Variants in BSDC1 observed in about 807,000 individuals in gnomAD.
The protein encoded by BSDC1 is BSD domain containing 1, also known as BSD domain-containing protein 1.
BSDC1 carries 29 observed loss-of-function variants against 56.0 expected under a neutral mutation model. That is an observed-to-expected ratio of 0.52 (90% CI 0.39 to 0.71). The LOEUF is 0.71. BSDC1 is among the 30% of genes least tolerant of loss of function. BSDC1 has a pLI of 0.00. For missense variants in BSDC1, 477 were observed against 548.5 expected (o/e 0.87, Z 1.30); for synonymous variants, 210 against 215.3 (o/e 0.98, Z 0.21).
chr1:32,375,925 A>G (rs754402252), intron 9 of BSDC1, among the ~76,000 whole-genome samples: 9 of 152,172 alleles, frequency 5.9e-5, no homozygotes, highest in Non-Finnish European at 1.2e-4. Context: ...CAAGTTACCT[A>G]ATATTTTTGG....
At chr1:32,370,095 A>T (rs1268412857) in intron 9 of BSDC1, among the ~76,000 whole-genome samples, 1 of 152,246 alleles carries the variant, frequency 6.6e-6, no homozygotes, top group Non-Finnish European at 1.5e-5. Flanking sequence ...CTCCTGCCTC[A>T]GCCTCCTGAG....
At chr1:32,392,388 TA>T (rs1487438566) in intron 2 of BSDC1, among the ~76,000 whole-genome samples, 1 of 151,614 alleles carries the variant, frequency 6.6e-6, no homozygotes, top group Non-Finnish European at 1.5e-5. Flanking sequence ...AGTAAGAAAG[TA>T]AAAAAAGGGA....
chr1:32,375,674 T>C (rs540437525), intron 9 of BSDC1, among the ~76,000 whole-genome samples: 1 of 152,316 alleles, frequency 6.6e-6, no homozygotes, highest in Non-Finnish European at 1.5e-5. Context: ...TTCTTTAAAC[T>C]GTAGGTATGA....
At chr1:32,391,230 C>T (rs544221225) in intron 2 of BSDC1, among the ~76,000 whole-genome samples, 1 of 152,198 alleles carries the variant, frequency 6.6e-6, no homozygotes, top group East Asian at 1.9e-4. Context: ...GGCTGAAAAC[C>T]ACCCACTGGA....
intron 9 of BSDC1, among the ~76,000 whole-genome samples, chr1:32,370,854 T>C (rs906262412): frequency 2.0e-5 from 3 of 151,464 alleles, no homozygotes; most frequent in African/African-American, 7.3e-5. Flanking sequence ...TCACATCATT[T>C]GTTTACATAC....
chr1:32,392,530 G>A (rs1642902389), intron 2 of BSDC1, among the ~76,000 whole-genome samples: 1 of 151,552 alleles, frequency 6.6e-6, no homozygotes, highest in African/African-American at 2.4e-5. Context: ...GTTATGATAA[G>A]ACCAACCTTG....
In BSDC1 at chr1:32,378,600, G is replaced by A. The variant is rs1376709858; in HGVS notation, c.528+124C>T. The A allele has an allele frequency of 2.8e-6, 2 of 719,958 alleles. No homozygotes were observed. Among genetic ancestry groups the A allele is most frequent in the Non-Finnish European group, 4.5e-6 (2 of 439,672 alleles). The allele number at this position is 719,958 out of a possible 1,614,324, so 44.6% of individuals were successfully genotyped here. Reference sequence around the variant, plus strand: ...CTTGGCTCAGGACACAGCTGGTCTGGCTCTATGGAGCCTCCCAGTGCTCTC... The same window carrying A: ...CTTGGCTCAGGACACAGCTGGTCTGACTCTATGGAGCCTCCCAGTGCTCTC... On this transcript the variant is annotated intron_variant, in intron 6 of 10. Coordinates refer to ENST00000455895, the MANE Select transcript of BSDC1 (RefSeq NM_018045.8). This position sits in a 1 kb window ranked among gnomAD's most constrained non-coding sequence, Gnocchi z 5.2.
chr1:32,384,060 G>T, intron 3 of BSDC1, 63 bp from the exon 4 acceptor site: 2 of 1,609,520 alleles, frequency 1.2e-6, no homozygotes, highest in Non-Finnish European at 1.7e-6. Flanking sequence ...TGGGGTATGG[G>T]GGTAAAACAT....
At chr1:32,389,512 G>T (rs1171283076) in intron 2 of BSDC1, among the ~76,000 whole-genome samples, 1 of 152,194 alleles carries the variant, frequency 6.6e-6, no homozygotes, top group Non-Finnish European at 1.5e-5. Flanking sequence ...CCTCAAGCAG[G>T]TCACAGTCTA....
Position 32,392,264 on chromosome 1 carries a change from G to A in BSDC1, c.72+1816C>T, listed in dbSNP as rs1037328038. Among the ~76,000 whole-genome samples the A allele has an allele frequency of 3.3e-5, 5 of 152,230 alleles. No homozygotes were observed. The South Asian group carries it at 6.2e-4, about 19-fold the overall frequency. On this transcript the variant is annotated intron_variant, in intron 2 of 10. Coordinates refer to ENST00000455895, the MANE Select transcript of BSDC1 (RefSeq NM_018045.8). ...GGAGAATCACTTGAACTCAGGAGGC[G>A]GAAGTTGCAGAGCTGAGACTGAGCC...
intron 3 of BSDC1, 155 bp downstream of exon 3, chr1:32,386,624 G>A: frequency 3.9e-6 from 2 of 508,644 alleles, no homozygotes; most frequent in Admixed American, 3.8e-5. Context: ...AGCTTGTTTG[G>A]TTGCCAGACA....
At chr1:32,369,431 C>T (rs539370157) in intron 9 of BSDC1, 1 of 495,732 alleles carries the variant, frequency 2.0e-6, no homozygotes, top group Non-Finnish European at 3.4e-6. Flanking sequence ...ATCACTTGAG[C>T]CCAGGAGTTC....
At position 32,382,241 on chromosome 1, in the gene BSDC1, A is replaced by C. The variant is rs190728123; in HGVS notation, c.358-973T>G. Reference sequence around the variant, plus strand: ...GACTCCATCTCAAAAAAAAAAAAAAAAACAGAAGTCAATGTGATAAAATGC... The same window carrying C: ...GACTCCATCTCAAAAAAAAAAAAAACAACAGAAGTCAATGTGATAAAATGC... On this transcript the variant is annotated intron_variant, in intron 4 of 10. Coordinates refer to ENST00000455895, the MANE Select transcript of BSDC1 (RefSeq NM_018045.8). 1.6e-3 allele frequency among the ~76,000 whole-genome samples: 248 copies of C among 151,812 alleles called. 1 individual carries two copies. The highest frequency in any genetic ancestry group is 0.012 in the East Asian group (64 of 5,156).
rs201456343 is a variant in BSDC1 at position 32,394,398 on chromosome 1, G to T, written c.11+6C>A. On this transcript the variant is annotated splice_donor_region_variant and intron_variant, in intron 1 of 10. Coordinates refer to ENST00000455895, the MANE Select transcript of BSDC1 (RefSeq NM_018045.8). ...CCAACGCCTAGGAGCAAAACGACAA[G>T]CTCACCCTTCCGCCATCTTGCCTGC... 8 of 1,614,124 alleles carry T rather than the reference G, an allele frequency of 5.0e-6. No homozygotes were observed. Among genetic ancestry groups the T allele is most frequent in the East Asian group, 2.2e-5 (1 of 44,870 alleles).
chr1:32,367,518 A>G, intron 10 of BSDC1: 4 of 985,424 alleles, frequency 4.1e-6, no homozygotes, highest in Non-Finnish European at 4.8e-6. Context: ...ACCTCTTTCT[A>G]ACAGGCTCAT....
chr1:32,385,444 A>T (rs1642630329), intron 3 of BSDC1, among the ~76,000 whole-genome samples: 4 of 152,128 alleles, frequency 2.6e-5, no homozygotes, highest in Admixed American at 2.6e-4. Context: ...AACAACAAAC[A>T]AGCCAGGCAC....
chr1:32,389,852 A>G (rs2148143475), intron 2 of BSDC1, among the ~76,000 whole-genome samples: 1 of 152,108 alleles, frequency 6.6e-6, no homozygotes, highest in East Asian at 1.9e-4. Flanking sequence ...ACACGCCTAT[A>G]GTCCCAGCTA....
At chr1:32,389,922 G>A (rs1344847180) in intron 2 of BSDC1, among the ~76,000 whole-genome samples, 2 of 150,152 alleles carry the variant, frequency 1.3e-5, no homozygotes, top group Non-Finnish European at 3.0e-5. Context: ...GCAGTGGGCT[G>A]TGATCATGCC....
chr1:32,383,652 T>C (rs1027812024), intron 4 of BSDC1, among the ~76,000 whole-genome samples, 178 bp downstream of exon 4: 10 of 152,166 alleles, frequency 6.6e-5, no homozygotes, highest in African/African-American at 2.4e-4. Context: ...GTGATGCAAT[T>C]GTGAGTTTAA....
Sources: gnomAD v4.1 joint callset for allele counts (sites outside exome capture counted in the v4.1 genomes callset) on GRCh38, gnomAD v4.1.1 for gene constraint, Gnocchi (gnomAD v3.1) non-coding constraint, MANE v1.5 for transcripts, NCBI Gene and HGNC (gene_info 2026-07-23, HGNC 2026-07-21) for gene names.